PACRG: variants seen among roughly 807,000 people sequenced by gnomAD.
PACRG encodes parkin coregulated, also known as parkin coregulated gene protein.
PACRG carries 29 observed loss-of-function variants against 29.7 expected under a neutral mutation model. The ratio of observed to expected loss-of-function variants is 0.98; its 90% CI spans 0.73 to 1.33. The LOEUF is 1.33. Ranked by LOEUF, PACRG falls within the 40% of genes most tolerant of loss-of-function variation. PACRG has a pLI of 0.00. For missense variants in PACRG, 279 were observed against 316.2 expected (o/e 0.88, Z 0.89); for synonymous variants, 116 against 118.7 (o/e 0.98, Z 0.15).
intron 2 of PACRG, among the ~76,000 whole-genome samples, chr6:162,969,792 C>T (rs1026952734): frequency 3.9e-5 from 6 of 152,148 alleles, no homozygotes; most frequent in African/African-American, 1.4e-4. Flanking sequence ...TTGGCTGAGA[C>T]CATTTCCCTC....
chr6:163,097,681 T>G (rs1814723745), intron 4 of PACRG, among the ~76,000 whole-genome samples: 1 of 152,208 alleles, frequency 6.6e-6, no homozygotes. Flanking sequence ...TTACAGGTCA[T>G]AGTGGGTTCA....
chr6:163,031,939 CT>C (rs1353744357), intron 2 of PACRG, among the ~76,000 whole-genome samples: 1 of 152,194 alleles, frequency 6.6e-6, no homozygotes, highest in African/African-American at 2.4e-5. Flanking sequence ...AGTTTGACTC[CT>C]TAAACGAATG....
At chr6:163,189,808 G>C (rs1163752257) in intron 4 of PACRG, 1 of 152,206 alleles carries the variant, frequency 6.6e-6, no homozygotes, top group Non-Finnish European at 1.5e-5. Context: ...GCCCGTGACT[G>C]ACAAGGGCCC....
intron 1 of PACRG, among the ~76,000 whole-genome samples, chr6:162,769,039 A>C (rs1248096436): frequency 1.3e-5 from 2 of 152,052 alleles, no homozygotes; most frequent in Admixed American, 1.3e-4. Context: ...TATATTGCAA[A>C]CTGAGGGCTC....
At chr6:162,784,596 G>A (rs527790965) in intron 1 of PACRG, among the ~76,000 whole-genome samples, 5 of 152,272 alleles carry the variant, frequency 3.3e-5, no homozygotes, top group African/African-American at 9.6e-5. Flanking sequence ...AGAAATGCAG[G>A]AGTTGGTTCT....
chr6:163,193,614 A>G (rs960118004), intron 4 of PACRG, among the ~76,000 whole-genome samples: 3 of 152,204 alleles, frequency 2.0e-5, no homozygotes, highest in Non-Finnish European at 4.4e-5. Flanking sequence ...GAAGACGTGA[A>G]CACATGGGAT....
intron 4 of PACRG, among the ~76,000 whole-genome samples, chr6:163,229,443 G>A (rs1177555593): frequency 1.3e-5 from 2 of 152,214 alleles, no homozygotes; most frequent in African/African-American, 4.8e-5. Context: ...CTGCTTCTCA[G>A]AGCACTCAGA....
intron 2 of PACRG, among the ~76,000 whole-genome samples, chr6:162,999,406 C>T (rs988368505): frequency 5.3e-5 from 8 of 152,134 alleles, no homozygotes; most frequent in Non-Finnish European, 1.2e-4. Context: ...TGTTTACTGG[C>T]CTGTGAGTTT....
chr6:162,899,300 C>T (rs185862486), intron 2 of PACRG, among the ~76,000 whole-genome samples: 48 of 152,234 alleles, frequency 3.2e-4, no homozygotes, highest in Admixed American at 1.2e-3. Flanking sequence ...AGTGTGAAGA[C>T]AGGAGAGCTG....
intron 4 of PACRG, among the ~76,000 whole-genome samples, chr6:163,118,604 CTT>C (rs1310037540): frequency 6.6e-6 from 1 of 152,160 alleles, no homozygotes; most frequent in Admixed American, 6.5e-5. Context: ...GTAAAGAACT[CTT>C]TTTAAAAATT....
intron 4 of PACRG, among the ~76,000 whole-genome samples, chr6:163,152,783 A>G (rs1262985490): frequency 6.6e-6 from 1 of 152,216 alleles, no homozygotes; most frequent in East Asian, 1.9e-4. Flanking sequence ...GATTTTGAAA[A>G]ATCTTCGTTT....
At chr6:162,890,747 G>GATAT in intron 2 of PACRG, among the ~76,000 whole-genome samples, 1 of 152,284 alleles carries the variant, frequency 6.6e-6, no homozygotes. Flanking sequence ...CATACCCTGT[G>GATAT]AATCAGCATG....
chr6:162,957,333 A>C (rs549184326), intron 2 of PACRG: 2 of 596,680 alleles, frequency 3.4e-6, no homozygotes, highest in East Asian at 3.3e-5. Context: ...CACATTTAGC[A>C]CTCATGGAAC....
At chr6:162,999,678 A>C (rs1804406416) in intron 2 of PACRG, among the ~76,000 whole-genome samples, 1 of 152,236 alleles carries the variant, frequency 6.6e-6, no homozygotes, top group Non-Finnish European at 1.5e-5. Context: ...TTTAATTATA[A>C]AAATTATATT....
intron 1 of PACRG, among the ~76,000 whole-genome samples, chr6:162,813,460 AT>A (rs1304625944): frequency 6.6e-6 from 1 of 152,086 alleles, no homozygotes; most frequent in Non-Finnish European, 1.5e-5. Flanking sequence ...TTCATTGTAA[AT>A]AACTCTATAG....
intron 2 of PACRG, chr6:162,997,640 A>G (rs1395965722): frequency 8.0e-6 from 2 of 250,446 alleles, no homozygotes; most frequent in South Asian, 3.7e-5. Flanking sequence ...AGACCTTCAG[A>G]TAAACTCACT....
chr6:162,764,789 G>A (rs1782652527), intron 1 of PACRG, among the ~76,000 whole-genome samples: 1 of 151,386 alleles, frequency 6.6e-6, no homozygotes, highest in African/African-American at 2.4e-5. Context: ...TGTTGCCCAG[G>A]CTGGAGTGCA....
chr6:162,755,194 T>C (rs1161500248), intron 1 of PACRG, among the ~76,000 whole-genome samples: 1 of 152,124 alleles, frequency 6.6e-6, no homozygotes, highest in Non-Finnish European at 1.5e-5. Context: ...TTTTTCTAAT[T>C]CATCTAACTA....
intron 4 of PACRG, among the ~76,000 whole-genome samples, chr6:163,283,457 C>T (rs1397532826): frequency 6.6e-6 from 1 of 152,174 alleles, no homozygotes; most frequent in African/African-American, 2.4e-5. Context: ...GATTAGGATG[C>T]CATAAACACA....
Sources: gnomAD v4.1 joint callset for allele counts (sites outside exome capture counted in the v4.1 genomes callset) on GRCh38, gnomAD v4.1.1 for gene constraint, MANE v1.5 for transcripts, NCBI Gene and HGNC (gene_info 2026-07-23, HGNC 2026-07-21) for gene names.